NLRP14: variants seen among roughly 807,000 people sequenced by gnomAD.
The protein encoded by NLRP14 is NACHT, LRR and PYD domains-containing protein 14.
NLRP14 carries 105 observed loss-of-function variants against 94.7 expected under a neutral mutation model. The observed-to-expected ratio is 1.11, with a 90% CI of 0.95 to 1.30. The LOEUF (loss-of-function observed/expected upper bound fraction) is 1.30. Ranked by LOEUF, NLRP14 falls within the 50% of genes most tolerant of loss-of-function variation. The probability of loss-of-function intolerance (pLI) is 0.00; values close to 1 mark genes in which losing one functional copy is unlikely to be tolerated. For missense variants in NLRP14, 1,362 were observed against 1,254.1 expected (o/e 1.09, Z -1.30); for synonymous variants, 508 against 459.9 (o/e 1.10, Z -1.34).
chr11:7,074,286 C>A (rs1852845481), downstream of NLRP14, among the ~76,000 whole-genome samples: 1 of 152,182 alleles, frequency 6.6e-6, no homozygotes, highest in South Asian at 2.1e-4. Context: ...AGTAATACTG[C>A]TGCTCACATT....
intron 1 of NLRP14, among the ~76,000 whole-genome samples, chr11:7,022,541 T>A (rs745894969): frequency 2.0e-5 from 3 of 152,192 alleles, no homozygotes; most frequent in East Asian, 1.9e-4. Flanking sequence ...AAGATCCTGA[T>A]GAAAAGGGAA....
the NLRP14 span, among the ~76,000 whole-genome samples, chr11:7,080,072 G>A: frequency 6.6e-6 from 1 of 152,206 alleles, no homozygotes; most frequent in Non-Finnish European, 1.5e-5. Context: ...GGCTTTGAAA[G>A]CAGAGAACAA....
chr11:7,038,114 G>A (rs559770243), intron 1 of NLRP14, among the ~76,000 whole-genome samples: 2 of 152,296 alleles, frequency 1.3e-5, no homozygotes, highest in African/African-American at 4.8e-5. Context: ...AGGTTGAGAT[G>A]TATATTAGAT....
At chr11:7,055,940 A>AAT (rs1356209332) in intron 6 of NLRP14, among the ~76,000 whole-genome samples, 1 of 152,056 alleles carries the variant, frequency 6.6e-6, no homozygotes, top group Non-Finnish European at 1.5e-5. Context: ...GAAGGAACTA[A>AAT]ATATAAGTGA....
At chr11:7,039,657 C>A in intron 2 of NLRP14, 57 bp from the exon 3 acceptor site, 2 of 1,357,776 alleles carry the variant, frequency 1.5e-6, no homozygotes, top group Non-Finnish European at 2.1e-6. Context: ...TTCTAGCCAT[C>A]ATGAAAGCTC....
chr11:7,073,571 A>T (rs1456209559), downstream of NLRP14, among the ~76,000 whole-genome samples: 3 of 152,194 alleles, frequency 2.0e-5, no homozygotes, highest in African/African-American at 7.2e-5. Flanking sequence ...TACCAATTGC[A>T]AGTTCCAGGT....
intron 1 of NLRP14, among the ~76,000 whole-genome samples, chr11:7,033,048 C>T (rs10839696): frequency 0.62 from 94,976 of 152,034 alleles, 30,649 homozygotes; most frequent in East Asian, 0.86. Context: ...TTGGCTTCTT[C>T]CACTAGTTAT....
intron 1 of NLRP14, among the ~76,000 whole-genome samples, chr11:7,029,587 C>T (rs979436130): frequency 2.0e-5 from 3 of 152,126 alleles, no homozygotes; most frequent in African/African-American, 7.2e-5. Context: ...AAGATAATAA[C>T]AGTATGAATA....
the NLRP14 span, chr11:7,089,867 G>A: frequency 1.9e-6 from 3 of 1,612,722 alleles, no homozygotes; most frequent in Non-Finnish European, 2.5e-6. Context: ...CCAGTGTCCG[G>A]GACGACTGTC....
Position 7,046,688 on chromosome 11 carries a change from A to C in NLRP14, c.1979A>C (p.His660Pro), listed in dbSNP as rs78522234. ...CAAAGGGATGGTGATCGCATTACTC[A>C]CTGTTGGCAAGATCTCTGTTCTGTG... ...TNTWDGDRITHCWQDLCSVLH... is the reference protein window; with the variant it reads ...TNTWDGDRITPCWQDLCSVLH... Residue 660 changes from histidine (H) to proline (P), a missense_variant, in exon 5 of 12, where the codon CAC becomes CCC. Coordinates refer to ENST00000299481, the MANE Select transcript of NLRP14 (RefSeq NM_176822.4). 6.2e-7 allele frequency: 1 copy of C among 1,613,760 alleles called. No homozygotes were observed. Among genetic ancestry groups the C allele is most frequent in the Non-Finnish European group, 8.5e-7 (1 of 1,179,632 alleles).
Position 7,043,373 on chromosome 11 carries a change from G to A in NLRP14, c.1347G>A (p.Arg449=). ...TYVFYRENLR[R]LGLTQSDVSS... is the part of the protein sequence containing the mutation. ...TGTTTTACAGAGAAAATCTCAGAAG[G>A]CTTGGGTTAACTCAATCTGATGTCT... The change falls in exon 4 of 12, where the codon AGG becomes AGA. Residue 449 remains arginine, a synonymous_variant. Transcript: ENST00000299481. The A allele has an allele frequency of 6.2e-7, 1 of 1,614,170 alleles. No homozygotes were observed. Among genetic ancestry groups the A allele is most frequent in the African/African-American group, 1.3e-5 (1 of 75,054 alleles).
Position 7,071,437 on chromosome 11 carries a change from T to G in NLRP14, c.*129T>G, listed in dbSNP as rs1335170747. 1 of 723,342 alleles carries G rather than the reference T, an allele frequency of 1.4e-6. No individual in the cohort carries two copies. Among genetic ancestry groups the G allele is most frequent in the African/African-American group, 1.8e-5 (1 of 56,424 alleles). The allele number at this position is 723,342 out of a possible 1,614,324, so 44.8% of individuals were successfully genotyped here. ...GATAGTGCACTTGGCAGCTGTCAGATACCATTCATCTACTTCTCTGTAAAA... is the reference window on the plus strand; with the variant it reads ...GATAGTGCACTTGGCAGCTGTCAGAGACCATTCATCTACTTCTCTGTAAAA... On this transcript the variant is annotated 3_prime_UTR_variant, in exon 12 of 12. Coordinates refer to ENST00000299481, the MANE Select transcript of NLRP14 (RefSeq NM_176822.4).
At chr11:7,022,874 G>C (rs909588012) in intron 1 of NLRP14, among the ~76,000 whole-genome samples, 2 of 152,152 alleles carry the variant, frequency 1.3e-5, no homozygotes, top group African/African-American at 4.8e-5. Flanking sequence ...CTGCCTATGA[G>C]AGGAACTCTC....
chr11:7,090,188 G>A, the NLRP14 span: 1 of 1,613,572 alleles, frequency 6.2e-7, no homozygotes, highest in Non-Finnish European at 8.5e-7. Context: ...CCATGGAAAG[G>A]GGCTGCCCTC....
chr11:7,056,089 A>C (rs1203571936), intron 6 of NLRP14, among the ~76,000 whole-genome samples: 1 of 151,990 alleles, frequency 6.6e-6, no homozygotes, highest in East Asian at 1.9e-4. Flanking sequence ...AAAAACCTCC[A>C]AACTCTAGAA....
intron 1 of NLRP14, among the ~76,000 whole-genome samples, chr11:7,027,899 TAGAC>T (rs947057493): frequency 4.9e-4 from 75 of 152,298 alleles, no homozygotes; most frequent in African/African-American, 1.6e-3. Context: ...CTTGGAGTTT[TAGAC>T]AGCACGCTCT....
downstream of NLRP14, among the ~76,000 whole-genome samples, chr11:7,074,625 T>C (rs1206029884): frequency 6.6e-6 from 1 of 152,236 alleles, no homozygotes; most frequent in Non-Finnish European, 1.5e-5. Flanking sequence ...ACAGCTTTTC[T>C]AATTCATTTT....
In NLRP14 at chr11:7,043,777, A is replaced by G. The variant is rs1392464368; in HGVS notation, c.1751A>G (p.His584Arg). 1 of 1,614,038 alleles carries G rather than the reference A, an allele frequency of 6.2e-7. No homozygotes were observed. Among genetic ancestry groups the G allele is most frequent in the African/African-American group, 1.3e-5 (1 of 74,946 alleles). Residue 584 changes from histidine (H) to arginine (R), a missense_variant, in exon 4 of 12, where the codon CAC (histidine) becomes CGC (arginine). By Grantham distance (29) the His-to-Arg change is conservative. Coordinates refer to ENST00000299481, the MANE Select transcript of NLRP14 (RefSeq NM_176822.4). The stretch of plus-strand genomic sequence containing the variant: ...CAGCTGGGATTTCTGGAGTTGTTTC[A>G]CTGTCTGTATGAGACTCAAGATAAA... Reference protein sequence around the residue: ...PSQLGFLELFHCLYETQDKAF... With the variant: ...PSQLGFLELFRCLYETQDKAF...
the NLRP14 span, among the ~76,000 whole-genome samples, chr11:7,081,362 A>T: frequency 0.16 from 24,354 of 152,014 alleles, 2,283 homozygotes; most frequent in Non-Finnish European, 0.21. Context: ...TGCAAGGCAG[A>T]GTCTTTGACT....
Sources: allele counts gnomAD v4.1 joint callset (sites outside exome capture counted in the v4.1 genomes callset), GRCh38; gene constraint gnomAD v4.1.1; transcripts MANE v1.5; gene names NCBI Gene and HGNC (gene_info 2026-07-23, HGNC 2026-07-21).